Variants in FBLN1 observed in about 807,000 individuals in gnomAD.
FBLN1 encodes fibulin-1.
In FBLN1, 34 loss-of-function variants were observed where a neutral mutation model predicts 89.7. The observed-to-expected ratio is 0.38, with a 90% CI of 0.29 to 0.50. FBLN1 has a LOEUF of 0.50. Ranked by LOEUF, FBLN1 falls within the 20% of genes least tolerant of loss-of-function variation. FBLN1 has a pLI of 0.92. For missense variants in FBLN1, 777 were observed against 988.1 expected (o/e 0.79, Z 2.86); for synonymous variants, 393 against 391.3 (o/e 1.00, Z -0.05).
chr22:45,546,370 C>T (rs888202237), intron 11 of FBLN1, among the ~76,000 whole-genome samples: 2 of 152,190 alleles, frequency 1.3e-5, no homozygotes, highest in Non-Finnish European at 2.9e-5. Context: ...GTGCGTGCCA[C>T]CATGCCTGGC....
Position 45,561,659 on chromosome 22 carries a change from A to G in FBLN1, c.1697+11044A>G, listed in dbSNP as rs537661925. Among the ~76,000 whole-genome samples, 4 of 152,322 alleles carry G rather than the reference A, an allele frequency of 2.6e-5. No individual in the cohort carries two copies. The highest frequency in any genetic ancestry group is 2.0e-4 in the Admixed American group (3 of 15,302). ...TCCATCTTTAATATTCTCTTCCTCT[A>G]GAACCACTCCTGGTACCAAAATCTG... On this transcript the variant is annotated intron_variant, in intron 14 of 16. Coordinates refer to ENST00000327858, the MANE Select transcript of FBLN1 (RefSeq NM_006486.3). This position sits in a 1 kb window ranked among gnomAD's most constrained non-coding sequence, Gnocchi z 4.7.
intron 8 of FBLN1, among the ~76,000 whole-genome samples, chr22:45,538,905 G>C (rs1335192282): frequency 6.6e-6 from 1 of 152,196 alleles, no homozygotes. Context: ...GGATGGGTCA[G>C]GGTCCCAGAA....
At chr22:45,595,332 G>C (rs557109734) in intron 16 of FBLN1, among the ~76,000 whole-genome samples, 1 of 152,170 alleles carries the variant, frequency 6.6e-6, no homozygotes, top group Non-Finnish European at 1.5e-5. Context: ...TTCCTTGAGC[G>C]CCTGCTGTGT....
rs2088271462 is a variant in FBLN1 at position 45,523,037 on chromosome 22, G to T, written c.186-2506G>T. 8 of 654,354 alleles carry T rather than the reference G, an allele frequency of 1.2e-5. No individual in the cohort carries two copies. In the South Asian group the frequency reaches 1.5e-4, roughly 12 times the overall value. The allele number at this position is 654,354 out of a possible 1,614,324, so 40.5% of individuals were successfully genotyped here. On this transcript the variant is annotated intron_variant, in intron 2 of 16. Coordinates refer to ENST00000327858, the MANE Select transcript of FBLN1 (RefSeq NM_006486.3). ...TTTGTAGGAAGGCAGGATGTGCCGT[G>T]GGGGAAACAGGGAGGCATAGGGGCT...
intron 16 of FBLN1, among the ~76,000 whole-genome samples, chr22:45,594,144 C>T (rs1054741267): frequency 3.1e-5 from 4 of 130,268 alleles, no homozygotes; most frequent in African/African-American, 1.7e-4. Context: ...CCCCTGGTGG[C>T]AGCTCTCATG....
intron 1 of FBLN1, among the ~76,000 whole-genome samples, chr22:45,507,359 A>G (rs1461112170): frequency 6.6e-6 from 1 of 152,150 alleles, no homozygotes; most frequent in Non-Finnish European, 1.5e-5. Context: ...GTGTCTGGAG[A>G]GATCTTGATG....
At chr22:45,565,395 T>G (rs1602213699) in intron 14 of FBLN1, 1 of 723,888 alleles carries the variant, frequency 1.4e-6, no homozygotes, top group East Asian at 6.6e-5. Context: ...GGCTTGCCCT[T>G]CCCTGAATCT....
intron 1 of FBLN1, chr22:45,517,677 C>A: frequency 2.1e-6 from 1 of 468,050 alleles, no homozygotes; most frequent in Non-Finnish European, 4.4e-6. Flanking sequence ...GTCCCCGTTT[C>A]TGTGGAAGAG....
chr22:45,584,835 C>T lies in FBLN1; in HGVS notation c.1972+7727C>T, dbSNP rs1053717312. 5.3e-5 allele frequency among the ~76,000 whole-genome samples: 8 copies of T among 152,342 alleles called. No homozygotes were observed. The South Asian group carries it at 1.2e-3, about 24-fold the overall frequency. On this transcript the variant is annotated intron_variant, in intron 16 of 16. Coordinates refer to ENST00000327858, the MANE Select transcript of FBLN1 (RefSeq NM_006486.3). ...GGACCTACTTAATAGGCAGATCTCG[C>T]GGCCTGGGCTGGTGAGGCCGGCCTG...
chr22:45,562,778 C>T lies in FBLN1; in HGVS notation c.1698-11733C>T, dbSNP rs1448888638. ...CCGCAGGTGAGTGAGGTGTGCCCTT[C>T]GTGTTGGCTGAATCGGCCAGAGGGG... On this transcript the variant is annotated intron_variant, in intron 14 of 16. Transcript: ENST00000327858. This position sits in a 1 kb window ranked among gnomAD's most constrained non-coding sequence, Gnocchi z 7.8. 9.2e-6 allele frequency: 8 copies of T among 866,898 alleles called. No individual in the cohort carries two copies. The highest frequency in any genetic ancestry group is 2.4e-5 in the East Asian group (1 of 41,638). The allele number at this position is 866,898 out of a possible 1,614,324, so 53.7% of individuals were successfully genotyped here. A position where few individuals can be genotyped will look rare whatever the true frequency, so the allele number is the denominator to read the frequency against.
rs548146296 is a variant in FBLN1 at position 45,537,957 on chromosome 22, A to G, written c.922+2620A>G. 2.4e-4 allele frequency among the ~76,000 whole-genome samples: 37 copies of G among 152,360 alleles called. No individual in the cohort carries two copies. Among genetic ancestry groups the G allele is most frequent in the Admixed American group, 1.5e-3 (23 of 15,306 alleles). Reference sequence around the variant, plus strand: ...CGACTGAGGATGGAAACCCTGACTCATGGCAAAATCAGCCCCGATTTCCAC... The same window carrying G: ...CGACTGAGGATGGAAACCCTGACTCGTGGCAAAATCAGCCCCGATTTCCAC... On this transcript the variant is annotated intron_variant, in intron 8 of 16. Coordinates refer to ENST00000327858, the MANE Select transcript of FBLN1 (RefSeq NM_006486.3). The surrounding 1 kb of genome is among the most constrained non-coding windows in gnomAD (Gnocchi z 5.7).
chr22:45,575,412 AG>A lies in FBLN1; in HGVS notation c.1840+761del, dbSNP rs1437366561. On this transcript the variant is annotated intron_variant, in intron 15 of 16. Coordinates refer to ENST00000327858, the MANE Select transcript of FBLN1 (RefSeq NM_006486.3). The surrounding 1 kb of genome is among the most constrained non-coding windows in gnomAD (Gnocchi z 6.3). Reference sequence around the variant, plus strand: ...TGTGGGCGTTTGAGAAACTGAGCCAAGGTTTTCTGCTGGAGCGCTAGAGGCT... The same window carrying A: ...TGTGGGCGTTTGAGAAACTGAGCCAAGTTTTCTGCTGGAGCGCTAGAGGCT... Among the ~76,000 whole-genome samples, 1 of 152,014 alleles carries A rather than the reference AG, an allele frequency of 6.6e-6. No homozygotes were observed. The highest frequency in any genetic ancestry group is 1.5e-5 in the Non-Finnish European group (1 of 68,004).
Position 45,590,570 on chromosome 22 carries a change from A to C in FBLN1, c.1973-9737A>C, listed in dbSNP as rs2089127485. ...TTGGATTTACCTCCTGGCTCTGAGC[A>C]CAGTGGGAAGAGGCATGGGAGGGGT... On this transcript the variant is annotated intron_variant, in intron 16 of 16. Transcript: ENST00000327858. This position sits in a 1 kb window ranked among gnomAD's most constrained non-coding sequence, Gnocchi z 4.1. Among the ~76,000 whole-genome samples the C allele has an allele frequency of 6.6e-6, 1 of 152,312 alleles. No homozygotes were observed. Among genetic ancestry groups the C allele is most frequent in the East Asian group, 1.9e-4 (1 of 5,172 alleles).
chr22:45,592,136 C>T (rs1055362322), intron 16 of FBLN1, among the ~76,000 whole-genome samples: 3 of 152,156 alleles, frequency 2.0e-5, no homozygotes, highest in Non-Finnish European at 2.9e-5. Flanking sequence ...CTACTAGTAG[C>T]GCCTCATTTT....
Position 45,541,317 on chromosome 22 carries a change from C to T in FBLN1, c.1011C>T (p.Asn337=), listed in dbSNP as rs1313187779. 1.7e-5 allele frequency: 28 copies of T among 1,614,262 alleles called. No homozygotes were observed. Among genetic ancestry groups the T allele is most frequent in the East Asian group, 2.2e-5 (1 of 44,890 alleles). Residue 337 remains asparagine (N), a synonymous_variant, in exon 9 of 17, where the codon AAC becomes AAT. Coordinates refer to ENST00000327858, the MANE Select transcript of FBLN1 (RefSeq NM_006486.3). ...AGGGCTCCTACACGTGCCAGAAGAA[C>T]GTGCCCAACTGTGGCCGTGGCTACC... ...NTEGSYTCQK[N]VPNCGRGYHL... is the part of the protein sequence containing the mutation.
chr22:45,505,778 A>G (rs900785855), intron 1 of FBLN1, among the ~76,000 whole-genome samples: 1 of 151,976 alleles, frequency 6.6e-6, no homozygotes, highest in African/African-American at 2.4e-5. Flanking sequence ...TTATTATTTT[A>G]TTTTATTTTT....
At chr22:45,547,337 T>G in intron 12 of FBLN1, 133 bp downstream of exon 12, 3 of 1,131,648 alleles carry the variant, frequency 2.7e-6, no homozygotes, top group Non-Finnish European at 3.8e-6. Flanking sequence ...ACCTTCCATG[T>G]CCACCCTTGG....
chr22:45,584,015 C>T (rs1396192427), intron 16 of FBLN1, among the ~76,000 whole-genome samples: 4 of 152,120 alleles, frequency 2.6e-5, no homozygotes, highest in Non-Finnish European at 5.9e-5. Flanking sequence ...ATCCAGCTGT[C>T]CCATAAGGCA....
At position 45,533,744 on chromosome 22, in the gene FBLN1, G is replaced by A. The variant is rs532883593; in HGVS notation, c.647-17G>A. 1.2e-6 allele frequency: 2 copies of A among 1,609,300 alleles called. No individual in the cohort carries two copies. Among genetic ancestry groups the A allele is most frequent in the South Asian group, 1.1e-5 (1 of 91,000 alleles). On this transcript the variant is annotated splice_polypyrimidine_tract_variant and intron_variant, in intron 6 of 16. Coordinates refer to ENST00000327858, the MANE Select transcript of FBLN1 (RefSeq NM_006486.3). ...CGTTCTTGCTGGTCACCCCCGCACT[G>A]CCTCGGTCTCTCCTAGATGTCAATG...
Sources: gnomAD v4.1 joint callset for allele counts (sites outside exome capture counted in the v4.1 genomes callset) on GRCh38, gnomAD v4.1.1 for gene constraint, Gnocchi (gnomAD v3.1) non-coding constraint, MANE v1.5 for transcripts, NCBI Gene and HGNC (gene_info 2026-07-23, HGNC 2026-07-21) for gene names.